Variants in MGAT4C observed in about 807,000 individuals in gnomAD.
The protein encoded by MGAT4C is alpha-1,3-mannosyl-glycoprotein 4-beta-N-acetylglucosaminyltransferase C.
A neutral mutation model predicts 40.1 loss-of-function variants in MGAT4C; 19 were observed. The ratio of observed to expected loss-of-function variants is 0.47; its 90% CI spans 0.33 to 0.70. The LOEUF (loss-of-function observed/expected upper bound fraction) is 0.70. Among genes scored for constraint, MGAT4C ranks in the 30% least tolerant of loss-of-function variants. MGAT4C has a pLI of 0.02. For synonymous variants in MGAT4C, 181 were observed against 187.1 expected, an observed-to-expected ratio of 0.97 and a Z score of 0.27; for missense variants, 491 against 563.2, an observed-to-expected ratio of 0.87 and a Z score of 1.30.
chr12:86,511,306 C>T (rs1050621664), intron 2 of MGAT4C, among the ~76,000 whole-genome samples: 1 of 152,088 alleles, frequency 6.6e-6, no homozygotes, highest in Non-Finnish European at 1.5e-5. Flanking sequence ...AACAAAGACA[C>T]AACATACCAG....
At position 86,626,800 on chromosome 12, in the gene MGAT4C, T is replaced by C. The variant is rs570034781; in HGVS notation, c.-229+100409A>G. ...CTCTAGTCTGCAGCTCCCAGTGTGA[T>C]TGACACAGAAGACAGGTGATTTCTG... On this transcript the variant is annotated intron_variant, in intron 2 of 7. Transcript: ENST00000548651. 3.9e-5 allele frequency among the ~76,000 whole-genome samples: 6 copies of C among 152,312 alleles called. No individual in the cohort carries two copies. In the East Asian group the frequency reaches 5.8e-4, roughly 15 times the overall value.
intron 3 of MGAT4C, among the ~76,000 whole-genome samples, chr12:86,344,247 T>A (rs1954967073): frequency 6.6e-6 from 1 of 152,154 alleles, no homozygotes; most frequent in South Asian, 2.1e-4. Context: ...AGAAAAACAT[T>A]CTAAGGATTC....
At chr12:86,032,407 G>A (rs1890843501) in intron 2 of MGAT4C, among the ~76,000 whole-genome samples, 1 of 150,078 alleles carries the variant, frequency 6.7e-6, no homozygotes. Flanking sequence ...CCTTTTCTCT[G>A]CAACCTTGCC....
chr12:86,364,679 A>G (rs1955554086), intron 3 of MGAT4C, among the ~76,000 whole-genome samples: 1 of 152,136 alleles, frequency 6.6e-6, no homozygotes, highest in Non-Finnish European at 1.5e-5. Context: ...ACAGAGTACA[A>G]AAGAGAGAAA....
At chr12:86,232,145 A>C (rs1358000947) in intron 1 of MGAT4C, among the ~76,000 whole-genome samples, 1 of 143,598 alleles carries the variant, frequency 7.0e-6, no homozygotes, top group East Asian at 2.4e-4. Context: ...AAAAAAGAAA[A>C]AAAAAAGGAG....
chr12:86,603,313 G>GTA (rs1166316231), intron 2 of MGAT4C, among the ~76,000 whole-genome samples: 94 of 133,664 alleles, frequency 7.0e-4, no homozygotes, highest in African/African-American at 2.4e-3. Flanking sequence ...TAATTATATA[G>GTA]TATATATATA....
intron 1 of MGAT4C, among the ~76,000 whole-genome samples, chr12:86,801,414 T>C (rs1341980365): frequency 6.6e-6 from 1 of 151,776 alleles, no homozygotes; most frequent in Non-Finnish European, 1.5e-5. Flanking sequence ...GATTCAAAAT[T>C]TAGGAACAGT....
chr12:86,378,645 T>A (rs1955875379), intron 3 of MGAT4C, among the ~76,000 whole-genome samples: 1 of 152,154 alleles, frequency 6.6e-6, no homozygotes, highest in Non-Finnish European at 1.5e-5. Context: ...CTACAGAAAG[T>A]TTGAATTATA....
At chr12:86,033,986 C>CT (rs1322856917) in intron 2 of MGAT4C, among the ~76,000 whole-genome samples, 1 of 149,032 alleles carries the variant, frequency 6.7e-6, no homozygotes, top group African/African-American at 2.4e-5. Context: ...TTATTGAATG[C>CT]TTTTTTCTGT....
chr12:86,098,287 T>G (rs1000536282), intron 1 of MGAT4C, among the ~76,000 whole-genome samples: 1 of 151,652 alleles, frequency 6.6e-6, no homozygotes, highest in Non-Finnish European at 1.5e-5. Context: ...TCAAGGTAAT[T>G]TGTTATTTTG....
chr12:86,114,730 G>T (rs1878085090), intron 1 of MGAT4C, among the ~76,000 whole-genome samples: 1 of 151,848 alleles, frequency 6.6e-6, no homozygotes, highest in Non-Finnish European at 1.5e-5. Context: ...AGATAGCTGA[G>T]ATTTGACAAA....
At chr12:86,371,189 A>G (rs920548842) in intron 3 of MGAT4C, among the ~76,000 whole-genome samples, 1 of 151,922 alleles carries the variant, frequency 6.6e-6, no homozygotes, top group Non-Finnish European at 1.5e-5. Flanking sequence ...CATTCCCAGC[A>G]TCCTATATCT....
intron 1 of MGAT4C, among the ~76,000 whole-genome samples, chr12:86,233,363 A>G (rs949720915): frequency 6.6e-6 from 1 of 152,208 alleles, no homozygotes; most frequent in Non-Finnish European, 1.5e-5. Context: ...ATCAAAACCA[A>G]TATTATAGGC....
At chr12:86,735,833 C>T (rs1950977511) in intron 1 of MGAT4C, among the ~76,000 whole-genome samples, 1 of 151,832 alleles carries the variant, frequency 6.6e-6, no homozygotes, top group Non-Finnish European at 1.5e-5. Context: ...CGACTATATC[C>T]TTAATCTCTT....
At chr12:86,691,824 A>C (rs1950178225) in intron 2 of MGAT4C, among the ~76,000 whole-genome samples, 1 of 152,130 alleles carries the variant, frequency 6.6e-6, no homozygotes, top group African/African-American at 2.4e-5. Flanking sequence ...ATATATTTAT[A>C]GGAAATCTAG....
At chr12:86,609,571 G>A (rs1245917787) in intron 2 of MGAT4C, among the ~76,000 whole-genome samples, 2 of 152,038 alleles carry the variant, frequency 1.3e-5, no homozygotes, top group Non-Finnish European at 2.9e-5. Context: ...GTCTGGTTAT[G>A]AAGTTAACAG....
intron 1 of MGAT4C, among the ~76,000 whole-genome samples, chr12:86,236,989 T>C (rs1427773872): frequency 6.6e-6 from 1 of 150,492 alleles, no homozygotes; most frequent in African/African-American, 2.4e-5. Context: ...TAATATATGA[T>C]ATATAAATAT....
chr12:86,761,594 T>A (rs1274233015), intron 1 of MGAT4C, among the ~76,000 whole-genome samples: 1 of 152,138 alleles, frequency 6.6e-6, no homozygotes, highest in Non-Finnish European at 1.5e-5. Flanking sequence ...TTAAGTTGAG[T>A]TAAAGATATC....
intron 2 of MGAT4C, among the ~76,000 whole-genome samples, chr12:86,522,758 A>ATGGTATGGTATG (rs1257700738): frequency 6.6e-6 from 1 of 152,178 alleles, no homozygotes; most frequent in East Asian, 1.9e-4. Flanking sequence ...GCTATTTTTT[A>ATGGTATGGTATG]CTGATTCAAT....
Sources: allele counts gnomAD v4.1 joint callset (sites outside exome capture counted in the v4.1 genomes callset), GRCh38; gene constraint gnomAD v4.1.1; transcripts MANE v1.5; gene names NCBI Gene and HGNC (gene_info 2026-07-23, HGNC 2026-07-21).